XPR1: variants seen among roughly 807,000 people sequenced by gnomAD.
The protein encoded by XPR1 is xenotropic and polytropic retrovirus receptor 1.
XPR1 carries 28 observed loss-of-function variants against 87.5 expected under a neutral mutation model. That is an observed-to-expected ratio of 0.32 (90% confidence interval 0.24 to 0.44). The LOEUF (loss-of-function observed/expected upper bound fraction) is 0.44, where lower values mean the gene tolerates loss of function less well. Among genes scored for constraint, XPR1 ranks in the 20% least tolerant of loss-of-function variants. XPR1 has a pLI of 1.00. For missense variants in XPR1, 559 were observed against 862.3 expected, an observed-to-expected ratio of 0.65 and a Z score of 4.41; for synonymous variants, 300 against 306.1, an observed-to-expected ratio of 0.98 and a Z score of 0.21.
chr1:180,799,541 C>T (rs1649706323), intron 3 of XPR1, among the ~76,000 whole-genome samples: 1 of 152,222 alleles, frequency 6.6e-6, no homozygotes. Context: ...AGAAGCAAGG[C>T]TGTATAGAAT....
chr1:180,635,526 C>A (rs1231059844), intron 1 of XPR1, among the ~76,000 whole-genome samples: 1 of 152,146 alleles, frequency 6.6e-6, no homozygotes. Flanking sequence ...TTTGGTTTCT[C>A]AGGACCCAGG....
At chr1:180,642,278 T>TAC (rs1654985659) in intron 1 of XPR1, among the ~76,000 whole-genome samples, 1 of 152,198 alleles carries the variant, frequency 6.6e-6, no homozygotes, top group Admixed American at 6.5e-5. Context: ...TAGCACAGGT[T>TAC]ACATGTGTTG....
intron 2 of XPR1, among the ~76,000 whole-genome samples, chr1:180,707,387 C>G (rs1657595502): frequency 6.6e-6 from 1 of 152,282 alleles, no homozygotes; most frequent in South Asian, 2.1e-4. Flanking sequence ...CTCTATGTAT[C>G]TATGTATTTT....
At chr1:180,774,358 T>A (rs923286001) in intron 2 of XPR1, among the ~76,000 whole-genome samples, 3 of 150,862 alleles carry the variant, frequency 2.0e-5, no homozygotes, top group African/African-American at 4.9e-5. Context: ...ATACTTTTTT[T>A]AAAAAAAGAA....
At chr1:180,709,158 C>T (rs1053775829) in intron 2 of XPR1, among the ~76,000 whole-genome samples, 3 of 152,102 alleles carry the variant, frequency 2.0e-5, no homozygotes, top group South Asian at 2.1e-4. Context: ...GTGATCCACC[C>T]GCCTCGGCCT....
chr1:180,859,265 T>C (rs2102201692), intron 11 of XPR1, among the ~76,000 whole-genome samples: 1 of 152,318 alleles, frequency 6.6e-6, no homozygotes, highest in South Asian at 2.1e-4. Flanking sequence ...ATTCACACAA[T>C]GGCTATGGGT....
At chr1:180,817,383 A>G (rs902001974) in intron 7 of XPR1, among the ~76,000 whole-genome samples, 3 of 152,148 alleles carry the variant, frequency 2.0e-5, no homozygotes, top group Non-Finnish European at 2.9e-5. Flanking sequence ...AGGTCTTCAC[A>G]TTTACTCACC....
chr1:180,796,059 C>T (rs1038109714), intron 3 of XPR1, among the ~76,000 whole-genome samples: 2 of 152,104 alleles, frequency 1.3e-5, no homozygotes, highest in South Asian at 2.1e-4. Context: ...CCACTCACCT[C>T]GGCCTCCAAA....
Position 180,787,867 on chromosome 1 carries a change from G to A in XPR1, c.223+13G>A, listed in dbSNP as rs748275154. ...ACATTTTATTCAGGTGAGTAATTAA[G>A]AGACTTTTTTTTTTGCTGCCGGGGA... On this transcript the variant is annotated intron_variant, in intron 3 of 14. Coordinates refer to ENST00000367590, the MANE Select transcript of XPR1 (RefSeq NM_004736.4). 6.3e-7 allele frequency: 1 copy of A among 1,582,414 alleles called. No individual in the cohort carries two copies.
At chr1:180,764,550 G>T (rs746732893) in intron 2 of XPR1, among the ~76,000 whole-genome samples, 6 of 151,568 alleles carry the variant, frequency 4.0e-5, no homozygotes, top group Non-Finnish European at 2.9e-5. Context: ...GCTCACTGCA[G>T]CCTCGACTTC....
intron 12 of XPR1, among the ~76,000 whole-genome samples, chr1:180,865,109 A>G (rs1223201100): frequency 6.6e-6 from 1 of 152,176 alleles, no homozygotes; most frequent in Non-Finnish European, 1.5e-5. Context: ...GGAATGGTGA[A>G]TTCAAAGAAT....
intron 3 of XPR1, among the ~76,000 whole-genome samples, chr1:180,789,518 ACT>A (rs892978024): frequency 2.0e-5 from 3 of 149,674 alleles, no homozygotes; most frequent in Non-Finnish European, 3.0e-5. Flanking sequence ...TAGTTTCTTG[ACT>A]CTCCCATTTT....
At chr1:180,702,415 TG>T (rs1390691501) in intron 2 of XPR1, among the ~76,000 whole-genome samples, 1 of 151,238 alleles carries the variant, frequency 6.6e-6, no homozygotes, top group Non-Finnish European at 1.5e-5. Context: ...TATATTCTGT[TG>T]ATTTGGGGTG....
chr1:180,656,958 A>G (rs1655553781), intron 1 of XPR1, among the ~76,000 whole-genome samples: 1 of 151,848 alleles, frequency 6.6e-6, no homozygotes, highest in Non-Finnish European at 1.5e-5. Context: ...TCCCACCAAT[A>G]GCGTTTGAGG....
intron 13 of XPR1, among the ~76,000 whole-genome samples, chr1:180,876,129 A>G (rs2102221950): frequency 6.6e-6 from 1 of 152,326 alleles, no homozygotes; most frequent in East Asian, 1.9e-4. Flanking sequence ...TCCAGAAAAA[A>G]AAAGAGCATA....
At chr1:180,779,837 C>T (rs1448363077) in intron 2 of XPR1, among the ~76,000 whole-genome samples, 1 of 152,124 alleles carries the variant, frequency 6.6e-6, no homozygotes, top group Non-Finnish European at 1.5e-5. Flanking sequence ...TCCTCCTACC[C>T]CCAGCCCCTG....
At chr1:180,733,555 G>T (rs1658628430) in intron 2 of XPR1, among the ~76,000 whole-genome samples, 1 of 152,188 alleles carries the variant, frequency 6.6e-6, no homozygotes, top group African/African-American at 2.4e-5. Context: ...TATGAAGGAA[G>T]GGTTTGTCAG....
intron 3 of XPR1, among the ~76,000 whole-genome samples, chr1:180,794,006 G>T (rs1010348168): frequency 6.6e-6 from 1 of 151,872 alleles, no homozygotes. Flanking sequence ...GTAAATAATG[G>T]GTTTTTTTTA....
chr1:180,636,635 A>T (rs561211823), intron 1 of XPR1, among the ~76,000 whole-genome samples: 1 of 152,276 alleles, frequency 6.6e-6, no homozygotes, highest in South Asian at 2.1e-4. Flanking sequence ...ATTCAGTCCT[A>T]ATCTGGGAAG....
Sources: gnomAD v4.1 joint callset for allele counts (sites outside exome capture counted in the v4.1 genomes callset) on GRCh38, gnomAD v4.1.1 for gene constraint, MANE v1.5 for transcripts, NCBI Gene and HGNC (gene_info 2026-07-23, HGNC 2026-07-21) for gene names.